Variants in DYNC1I1 observed in about 807,000 individuals in gnomAD.
The protein encoded by DYNC1I1 is cytoplasmic dynein 1 intermediate chain 1.
A neutral mutation model predicts 86.6 loss-of-function variants in DYNC1I1; 43 were observed. The observed-to-expected ratio is 0.50, with a 90% CI of 0.39 to 0.64. DYNC1I1 has a LOEUF of 0.64. DYNC1I1 is among the 30% of genes least tolerant of loss of function. The pLI is 0.00. For synonymous variants in DYNC1I1, 262 were observed against 283.7 expected (o/e 0.92, Z 0.77); for missense variants, 604 against 788.8 (o/e 0.77, Z 2.81).
chr7:95,800,964 G>T (rs995635768), intron 1 of DYNC1I1, among the ~76,000 whole-genome samples: 5 of 152,220 alleles, frequency 3.3e-5, no homozygotes, highest in Non-Finnish European at 5.9e-5. Flanking sequence ...AAATCCTACG[G>T]AGTTCACTGC....
intron 5 of DYNC1I1, among the ~76,000 whole-genome samples, chr7:95,830,665 G>A (rs1056502719): frequency 1.3e-5 from 2 of 152,186 alleles, no homozygotes; most frequent in South Asian, 4.1e-4. Context: ...AAACATTCAT[G>A]TACAAATATT....
chr7:95,908,454 C>A (rs1294526393), intron 6 of DYNC1I1, among the ~76,000 whole-genome samples: 1 of 152,078 alleles, frequency 6.6e-6, no homozygotes, highest in Non-Finnish European at 1.5e-5. Context: ...AATAATGCAG[C>A]CTTTTGTACC....
intron 6 of DYNC1I1, among the ~76,000 whole-genome samples, chr7:95,925,328 G>T (rs1791715335): frequency 6.6e-6 from 1 of 152,124 alleles, no homozygotes; most frequent in African/African-American, 2.4e-5. Context: ...GAGATGAAAG[G>T]ATCTAATGGG....
At chr7:96,080,342 C>T in intron 15 of DYNC1I1, 21 bp from the exon 16 acceptor site, 2 of 1,553,858 alleles carry the variant, frequency 1.3e-6, no homozygotes, top group Non-Finnish European at 1.7e-6. Flanking sequence ...TTCTTTTATT[C>T]TGTTGTGAAC....
chr7:95,795,852 A>G (rs1322012135), intron 1 of DYNC1I1, among the ~76,000 whole-genome samples: 1 of 152,016 alleles, frequency 6.6e-6, no homozygotes, highest in Non-Finnish European at 1.5e-5. Context: ...AAATTTATAT[A>G]AGAAACCTGC....
chr7:95,836,233 G>A (rs1383055302), intron 5 of DYNC1I1, among the ~76,000 whole-genome samples: 2 of 152,012 alleles, frequency 1.3e-5, no homozygotes, highest in African/African-American at 2.4e-5. Context: ...CACTTATGAA[G>A]CTTAGTTTGG....
At chr7:96,018,895 A>G (rs1794471116) in intron 10 of DYNC1I1, among the ~76,000 whole-genome samples, 1 of 152,172 alleles carries the variant, frequency 6.6e-6, no homozygotes, top group South Asian at 2.1e-4. Context: ...GTCATGCTCC[A>G]TGAATTAATT....
intron 6 of DYNC1I1, among the ~76,000 whole-genome samples, chr7:95,942,817 C>G (rs1407591673): frequency 7.0e-6 from 1 of 143,572 alleles, no homozygotes; most frequent in Non-Finnish European, 1.5e-5. Flanking sequence ...TGACAAAATT[C>G]AACAACCCTT....
At chr7:95,901,708 T>C (rs1791040961) in intron 6 of DYNC1I1, among the ~76,000 whole-genome samples, 1 of 152,192 alleles carries the variant, frequency 6.6e-6, no homozygotes, top group Non-Finnish European at 1.5e-5. Context: ...TTACTGACAG[T>C]GCTTATTGAT....
intron 6 of DYNC1I1, among the ~76,000 whole-genome samples, chr7:95,962,642 C>A (rs17775926): frequency 6.6e-6 from 1 of 152,120 alleles, no homozygotes; most frequent in African/African-American, 2.4e-5. Context: ...TTTCACACAA[C>A]AATTCTGTTA....
intron 6 of DYNC1I1, among the ~76,000 whole-genome samples, chr7:95,888,372 G>C (rs1790650934): frequency 6.6e-6 from 1 of 152,178 alleles, no homozygotes; most frequent in Non-Finnish European, 1.5e-5. Context: ...AGGAGGTTGA[G>C]GCTACAGTGA....
chr7:95,790,267 GCTCA>G (rs1187764464), intron 1 of DYNC1I1, among the ~76,000 whole-genome samples: 2 of 152,132 alleles, frequency 1.3e-5, no homozygotes, highest in African/African-American at 4.8e-5. Context: ...TAAGATGGTT[GCTCA>G]CTCAGTCTTT....
chr7:96,016,072 G>C (rs1425546604), intron 10 of DYNC1I1, among the ~76,000 whole-genome samples: 1 of 151,996 alleles, frequency 6.6e-6, no homozygotes. Context: ...TTCTACCTTT[G>C]GCCTCATTGC....
chr7:96,095,116 C>T (rs779169635), intron 16 of DYNC1I1, among the ~76,000 whole-genome samples: 1 of 152,058 alleles, frequency 6.6e-6, no homozygotes, highest in Admixed American at 6.6e-5. Context: ...GTAGTTCACT[C>T]GCTGGCTTAT....
At chr7:95,936,956 T>TCCA (rs750834189) in intron 6 of DYNC1I1, among the ~76,000 whole-genome samples, 2 of 134,190 alleles carry the variant, frequency 1.5e-5, no homozygotes, top group Non-Finnish European at 3.2e-5. Flanking sequence ...AGAATATGTC[T>TCCA]CACACACACA....
chr7:96,009,314 C>T (rs908462231), intron 10 of DYNC1I1, among the ~76,000 whole-genome samples: 12 of 152,318 alleles, frequency 7.9e-5, no homozygotes, highest in African/African-American at 1.7e-4. Flanking sequence ...AGCCCCAAGG[C>T]CTTGCCCTCT....
At position 96,082,454 on chromosome 7, in the gene DYNC1I1, C is replaced by T. The variant is rs544362882; in HGVS notation, c.1776+1966C>T. ...AATTTAAAAACTCTTTGCTCTATCT[C>T]CTTTGCATACACATAACGTCCCTTA... is the stretch of plus-strand genomic sequence containing the variant. On this transcript the variant is annotated intron_variant, in intron 16 of 16. Transcript: ENST00000447467. Among the ~76,000 whole-genome samples, 28 of 152,214 alleles carry T rather than the reference C, an allele frequency of 1.8e-4. No individual in the cohort carries two copies. In the South Asian group the frequency reaches 5.6e-3, roughly 30 times the overall value.
intron 6 of DYNC1I1, among the ~76,000 whole-genome samples, chr7:95,975,060 G>A (rs1793269141): frequency 6.6e-6 from 1 of 152,212 alleles, no homozygotes; most frequent in South Asian, 2.1e-4. Flanking sequence ...GTTCCTTCGG[G>A]GGAAATTATT....
At chr7:95,930,699 C>T (rs1048711343) in intron 6 of DYNC1I1, among the ~76,000 whole-genome samples, 1 of 152,234 alleles carries the variant, frequency 6.6e-6, no homozygotes, top group Non-Finnish European at 1.5e-5. Context: ...TTAATTAAAA[C>T]TAGGCTGGTT....
Sources: allele counts gnomAD v4.1 joint callset (sites outside exome capture counted in the v4.1 genomes callset), GRCh38; gene constraint gnomAD v4.1.1; transcripts MANE v1.5; gene names NCBI Gene and HGNC (gene_info 2026-07-23, HGNC 2026-07-21).